OSBPL10: variants seen among roughly 807,000 people sequenced by gnomAD.
The protein encoded by OSBPL10 is oxysterol-binding protein-related protein 10.
OSBPL10 carries 49 observed loss-of-function variants against 81.7 expected under a neutral mutation model. That is an observed-to-expected ratio of 0.60 (90% CI 0.48 to 0.76). The LOEUF (loss-of-function observed/expected upper bound fraction) is 0.76, where lower values mean the gene tolerates loss of function less well. Ranked by LOEUF, OSBPL10 falls within the 30% of genes least tolerant of loss-of-function variation. The pLI, the probability that OSBPL10 is intolerant of heterozygous loss-of-function variation, is 0.00. For synonymous variants in OSBPL10, 419 were observed against 383.6 expected (o/e 1.09, Z -1.08); for missense variants, 923 against 987.8 (o/e 0.93, Z 0.88).
chr3:31,934,741 C>T (rs927270875), intron 1 of OSBPL10, among the ~76,000 whole-genome samples: 6 of 152,000 alleles, frequency 3.9e-5, no homozygotes, highest in African/African-American at 1.2e-4. Context: ...CGTAGCATTT[C>T]CCAAAGACTC....
intron 4 of OSBPL10, among the ~76,000 whole-genome samples, chr3:31,768,009 T>C (rs1698253902): frequency 6.6e-6 from 1 of 152,172 alleles, no homozygotes; most frequent in African/African-American, 2.4e-5. Flanking sequence ...TGGTTGGCTA[T>C]TTTTATGGTT....
intron 8 of OSBPL10, among the ~76,000 whole-genome samples, chr3:31,677,909 G>A (rs1236348145): frequency 6.7e-6 from 1 of 149,566 alleles, no homozygotes; most frequent in East Asian, 2.0e-4. Context: ...GTGAAACCCC[G>A]TCTCTACTAA....
chr3:31,956,116 T>TA (rs1274624493), intron 1 of OSBPL10, among the ~76,000 whole-genome samples: 4 of 152,210 alleles, frequency 2.6e-5, no homozygotes, highest in Non-Finnish European at 5.9e-5. Context: ...CCTGGCTACT[T>TA]AGACTGCTTA....
Position 31,670,778 on chromosome 3 carries a change from C to T in OSBPL10, c.1913+19G>A, listed in dbSNP as rs1385440385. 6.2e-7 allele frequency: 1 copy of T among 1,603,556 alleles called. No individual in the cohort carries two copies. Among genetic ancestry groups the T allele is most frequent in the South Asian group, 1.1e-5 (1 of 89,314 alleles). On this transcript the variant is annotated intron_variant, in intron 9 of 11. Transcript: ENST00000396556. ...CATCTTGTTAAGACAAAGCCAGAGT[C>T]TCTCCGGCCAGCTCCTACCTGTGGA...
chr3:31,775,479 A>T (rs1698524303), intron 4 of OSBPL10, among the ~76,000 whole-genome samples: 2 of 144,770 alleles, frequency 1.4e-5, no homozygotes, highest in Non-Finnish European at 3.1e-5. Context: ...GATGCCTTGA[A>T]ACAGATCATG....
intron 1 of OSBPL10, among the ~76,000 whole-genome samples, chr3:31,929,195 G>A (rs4377514): frequency 0.28 from 42,035 of 152,110 alleles, 6,997 homozygotes; most frequent in East Asian, 0.55. Flanking sequence ...AAAAGATAGA[G>A]ATGGATGCTT....
At chr3:31,856,982 G>A (rs771340451) in intron 3 of OSBPL10, among the ~76,000 whole-genome samples, 2 of 152,192 alleles carry the variant, frequency 1.3e-5, no homozygotes, top group African/African-American at 4.8e-5. Flanking sequence ...TGAATCGCCT[G>A]AACCTGGGCG....
At chr3:31,965,271 A>G (rs1356912386) in intron 1 of OSBPL10, among the ~76,000 whole-genome samples, 2 of 148,958 alleles carry the variant, frequency 1.3e-5, no homozygotes, top group African/African-American at 5.0e-5. Flanking sequence ...TCGGGAAGCT[A>G]AGGCAGGAGA....
intron 1 of OSBPL10, among the ~76,000 whole-genome samples, chr3:31,947,188 G>A (rs1265265153): frequency 6.6e-6 from 1 of 152,156 alleles, no homozygotes; most frequent in African/African-American, 2.4e-5. Flanking sequence ...AATAAAGGAT[G>A]GGGAGCAGTT....
chr3:31,870,713 T>G (rs1216043057), intron 3 of OSBPL10, among the ~76,000 whole-genome samples: 1 of 152,148 alleles, frequency 6.6e-6, no homozygotes, highest in Non-Finnish European at 1.5e-5. Context: ...GGTTTGTGAG[T>G]GCACCAATCC....
At chr3:31,827,374 T>C (rs575532159) in intron 4 of OSBPL10, among the ~76,000 whole-genome samples, 26 of 152,256 alleles carry the variant, frequency 1.7e-4, no homozygotes, top group South Asian at 1.0e-3. Context: ...CAGTGGCTCA[T>C]GCCTGTAATC....
Position 32,064,855 on chromosome 3 carries a change from A to G in OSBPL10, n.185+12541T>C, listed in dbSNP as rs1333565170. Reference sequence around the variant, plus strand: ...TAAAGGGCTCACATTTCCTAGATACATGTGTGTTTTTTTGTTTTTTTCCCC... The same window carrying G: ...TAAAGGGCTCACATTTCCTAGATACGTGTGTGTTTTTTTGTTTTTTTCCCC... On this transcript the variant is annotated intron_variant and non_coding_transcript_variant, in intron 1 of 3. Transcript: ENST00000479173. 2 of 93,200 alleles carry G rather than the reference A, an allele frequency of 2.1e-5. 1 individual carries two copies. The highest frequency in any genetic ancestry group is 5.5e-5 in the African/African-American group (2 of 36,240). 5.8% of individuals were successfully genotyped at this position (93,200 alleles called of 1,614,324 possible).
chr3:31,725,052 T>C (rs994434327), intron 6 of OSBPL10, among the ~76,000 whole-genome samples: 1 of 152,220 alleles, frequency 6.6e-6, no homozygotes, highest in Admixed American at 6.5e-5. Flanking sequence ...TTAAGAGACA[T>C]TTCTCTTGCT....
intron 3 of OSBPL10, among the ~76,000 whole-genome samples, chr3:31,832,053 A>G (rs6550074): frequency 0.71 from 108,516 of 152,186 alleles, 39,804 homozygotes; most frequent in East Asian, 0.93. Context: ...TAAGAGAATA[A>G]TGAGAGAGGT....
At chr3:31,808,888 TCATA>T (rs891838199) in intron 4 of OSBPL10, among the ~76,000 whole-genome samples, 1 of 152,332 alleles carries the variant, frequency 6.6e-6, no homozygotes, top group Non-Finnish European at 1.5e-5. Flanking sequence ...GCCCAGAATA[TCATA>T]CACATGCAAT....
intron 8 of OSBPL10, among the ~76,000 whole-genome samples, chr3:31,674,954 T>A (rs952989215): frequency 6.6e-6 from 1 of 152,210 alleles, no homozygotes; most frequent in African/African-American, 2.4e-5. Context: ...TAAGCGAGGA[T>A]GTTGCTAGGC....
chr3:31,800,877 G>T (rs1559471064), intron 4 of OSBPL10, among the ~76,000 whole-genome samples: 1 of 152,124 alleles, frequency 6.6e-6, no homozygotes, highest in Admixed American at 6.5e-5. Flanking sequence ...GCTCTAGGAG[G>T]TTTTTCTGAA....
At chr3:31,758,878 G>A (rs373764953) in intron 4 of OSBPL10, among the ~76,000 whole-genome samples, 1 of 152,128 alleles carries the variant, frequency 6.6e-6, no homozygotes, top group African/African-American at 2.4e-5. Context: ...CACCCTTGAA[G>A]TGCCTGTTTC....
At chr3:31,972,394 GA>G (rs1226538037) in intron 1 of OSBPL10, among the ~76,000 whole-genome samples, 1 of 151,790 alleles carries the variant, frequency 6.6e-6, no homozygotes, top group East Asian at 1.9e-4. Context: ...GTCTCAAAAA[GA>G]AAAAAGAAAG....
Sources: allele counts gnomAD v4.1 joint callset (sites outside exome capture counted in the v4.1 genomes callset), GRCh38; gene constraint gnomAD v4.1.1; transcripts MANE v1.5; gene names NCBI Gene and HGNC (gene_info 2026-07-23, HGNC 2026-07-21).